The following FUZ variants were observed in gnomAD, a reference collection of about 807,000 sequenced individuals.
FUZ encodes protein fuzzy homolog.
Under a neutral mutation model 43.1 loss-of-function variants are expected in FUZ, and 31 were observed. The observed-to-expected ratio is 0.72, with a 90% CI of 0.54 to 0.97. The LOEUF is 0.97. FUZ is among the 50% of genes least tolerant of loss of function. The pLI is 0.00. For missense variants in FUZ, 539 were observed against 543.8 expected (o/e 0.99, Z 0.09); for synonymous variants, 274 against 250.0 (o/e 1.10, Z -0.91).
chr19:49,810,584 C>T (rs2073720123), intron 5 of FUZ, among the ~76,000 whole-genome samples: 1 of 148,232 alleles, frequency 6.7e-6, no homozygotes, highest in African/African-American at 2.5e-5. Flanking sequence ...GAGGTTGAGG[C>T]AGGGGAATCG....
chr19:49,808,340 C>A, intron 10 of FUZ, 74 bp downstream of exon 10: 1 of 1,478,810 alleles, frequency 6.8e-7, no homozygotes, highest in Non-Finnish European at 9.2e-7. Flanking sequence ...AACCCCACCT[C>A]CTACTCCCAT....
At position 49,808,479 on chromosome 19, in the gene FUZ, G is replaced by T; in HGVS notation, c.968C>A (p.Pro323Gln). The T allele has an allele frequency of 1.2e-6, 2 of 1,611,932 alleles. No homozygotes were observed. Among genetic ancestry groups the T allele is most frequent in the Non-Finnish European group, 8.5e-7 (1 of 1,179,360 alleles). ...TCGGAGGAGGCGCCGGCGCTGTTCT[G>T]GTGAAGGCTCTGCTGGGAGGAAAAG... is the stretch of plus-strand genomic sequence containing the variant. ...VEPLGDKEPS[P>Q]EQRRRLLRNF... Residue 323 changes from proline (P) to glutamine (Q), a missense_variant, in exon 10 of 11, where the codon CCA (proline) becomes CAA (glutamine). Coordinates refer to ENST00000313777, the MANE Select transcript of FUZ (RefSeq NM_025129.5).
At chr19:49,811,933 C>G (rs1391950709) in intron 3 of FUZ, among the ~76,000 whole-genome samples, 1 of 152,128 alleles carries the variant, frequency 6.6e-6, no homozygotes, top group Non-Finnish European at 1.5e-5. Flanking sequence ...TATGGTGAAA[C>G]CCCGTCTCTA....
rs771008942 is a variant in FUZ at position 49,808,788 on chromosome 19, C to T, written c.822G>A (p.Pro274=). ...GTCCCAACGGCAGACAGGCCCGCAA[C>T]GGGTCCAGCAGTGGCTGCCACCAGC... is the stretch of plus-strand genomic sequence containing the variant. The part of the protein sequence containing the change: ...LERWWQPLLD[P]LRACLPLGPR... Residue 274 remains proline (P), a synonymous_variant, in exon 8 of 11, where the codon CCG becomes CCA. Coordinates refer to ENST00000313777, the MANE Select transcript of FUZ (RefSeq NM_025129.5). 8.3e-6 allele frequency: 13 copies of T among 1,558,698 alleles called. No homozygotes were observed. The highest frequency in any genetic ancestry group is 1.4e-5 in the African/African-American group (1 of 73,492).
In FUZ at chr19:49,809,680, G is replaced by C; in HGVS notation, c.493-105C>G. ...TGGGGAGAAACCCACAGCCAGCCCC[G>C]AGCTCGCGCAGTGGCCATGCTCCTA... On this transcript the variant is annotated intron_variant, in intron 5 of 10. Transcript: ENST00000313777. The surrounding 1 kb of genome is among the most constrained non-coding windows in gnomAD (Gnocchi z 5.1). 8.2e-7 allele frequency: 1 copy of C among 1,219,630 alleles called. No homozygotes were observed. Among genetic ancestry groups the C allele is most frequent in the Non-Finnish European group, 1.2e-6 (1 of 862,142 alleles). The allele number at this position is 1,219,630 out of a possible 1,614,324, so 75.6% of individuals were successfully genotyped here.
At position 49,808,803 on chromosome 19, in the gene FUZ, C is replaced by T. The variant is rs1362778590; in HGVS notation, c.807G>A (p.Gln269=). The change falls in exon 8 of 11, where the codon CAG becomes CAA. Residue 269 remains glutamine, a synonymous_variant. Coordinates refer to ENST00000313777, the MANE Select transcript of FUZ (RefSeq NM_025129.5). ...AGGCCCGCAACGGGTCCAGCAGTGG[C>T]TGCCACCAGCGCTCCAGAAGCTGCA... ...LYPQLLERWW[Q]PLLDPLRACL... is the part of the protein sequence containing the mutation. 6.4e-7 allele frequency: 1 copy of T among 1,552,826 alleles called. No individual in the cohort carries two copies. Among genetic ancestry groups the T allele is most frequent in the African/African-American group, 1.4e-5 (1 of 73,422 alleles).
rs776108376 is a variant in FUZ, at chr19:49,812,695, CAT to C, written c.151_152del (p.Met51ValfsTer26). ...GCTGCACCTCCAGATTCTGCCCAAA[CAT>C]GTGGACTCCATTGAGGGAACCGATG... is the stretch of plus-strand genomic sequence containing the variant. ...SVIGSLNGVH[M>X]FGQNLEVQLS... On this transcript the variant is annotated frameshift_variant, in exon 2 of 11. Transcript: ENST00000313777. LOFTEE classifies it high-confidence loss of function. 1.5e-5 allele frequency: 24 copies of C among 1,614,018 alleles called. No individual in the cohort carries two copies. Among genetic ancestry groups the C allele is most frequent in the African/African-American group, 2.7e-5 (2 of 74,904 alleles).
chr19:49,807,281 G>T lies in FUZ; in HGVS notation c.1127C>A (p.Thr376Lys). The T allele has an allele frequency of 1.2e-6, 2 of 1,613,466 alleles. No homozygotes were observed. The highest frequency in any genetic ancestry group is 1.7e-6 in the Non-Finnish European group (2 of 1,179,948). The change falls in exon 11 of 11, where the codon ACA (threonine) becomes AAA (lysine). Residue 376 changes from threonine to lysine, a missense_variant. By Grantham distance (78) the Thr-to-Lys change is moderately conservative (BLOSUM62 -1). Coordinates refer to ENST00000313777, the MANE Select transcript of FUZ (RefSeq NM_025129.5). Reference sequence around the variant, plus strand: ...CTGCAAGGCCACCAGACGCACTCCTGTGCCTGGTTCCTCAGTCCCCAACAC... The same window carrying T: ...CTGCAAGGCCACCAGACGCACTCCTTTGCCTGGTTCCTCAGTCCCCAACAC... ...YLVLGTEEPG[T>K]GVRLVALQLG...
In FUZ at chr19:49,808,481, T is replaced by C; in HGVS notation, c.966A>G (p.Ser322=). Residue 322 remains serine, a synonymous_variant, in exon 10 of 11, where the codon TCA becomes TCG. Transcript: ENST00000313777. The part of the protein sequence containing the change: ...TVEPLGDKEP[S]PEQRRRLLRN... Reference sequence around the variant, plus strand: ...GGAGGAGGCGCCGGCGCTGTTCTGGTGAAGGCTCTGCTGGGAGGAAAAGGC... The same window carrying C: ...GGAGGAGGCGCCGGCGCTGTTCTGGCGAAGGCTCTGCTGGGAGGAAAAGGC... 1 of 1,611,684 alleles carries C rather than the reference T, an allele frequency of 6.2e-7. No homozygotes were observed. Among genetic ancestry groups the C allele is most frequent in the Non-Finnish European group, 8.5e-7 (1 of 1,179,290 alleles).
At chr19:49,812,535 A>G (rs928419495) in intron 2 of FUZ, 80 bp downstream of exon 2, 2 of 1,589,368 alleles carry the variant, frequency 1.3e-6, no homozygotes, top group African/African-American at 2.7e-5. Context: ...GCTTTTAGAG[A>G]GCTGGAAGGC....
In FUZ at chr19:49,811,388, A is replaced by G. The variant is rs777365619; in HGVS notation, c.467T>C (p.Ile156Thr). The G allele has an allele frequency of 3.2e-5, 52 of 1,611,840 alleles. No homozygotes were observed. In the South Asian group the frequency reaches 5.5e-4, roughly 17 times the overall value. The change falls in exon 5 of 11, where the codon ATT becomes ACT. Residue 156 changes from isoleucine to threonine, a missense_variant. Ile to Thr is a moderately conservative substitution (Grantham distance 89). Transcript: ENST00000313777. ...GDLTQCVDCV[I>T]PPEGSLLQEA... ...CTGCAAGAGGGACCCCTCTGGAGGA[A>G]TCACGCAGTCCACACACTGGGTCAG...
At position 49,813,058 on chromosome 19, in the gene FUZ, C is replaced by T. The variant is rs1344539368; in HGVS notation, c.49G>A (p.Ala17Thr). 1 of 1,551,208 alleles carries T rather than the reference C, an allele frequency of 6.4e-7. No individual in the cohort carries two copies. Among genetic ancestry groups the T allele is most frequent in the African/African-American group, 1.4e-5 (1 of 73,062 alleles). The change falls in exon 1 of 11, where the codon GCC (alanine) becomes ACC (threonine). Residue 17 changes from alanine (A) to threonine (T), a missense_variant. Transcript: ENST00000313777. ...CAGAATAGGGGGACCCCGCTGGAGG[C>T]CGCGAGGCACAGCAGATGCACAGTG... is the stretch of plus-strand genomic sequence containing the variant. ...GGTVHLLCLAASSGVPLFCRS... is the reference protein window; with the variant it reads ...GGTVHLLCLATSSGVPLFCRS...
rs2073677230 is a variant in FUZ, at chr19:49,809,897, A to G, written c.493-322T>C. The stretch of plus-strand genomic sequence containing the variant: ...CGAGTAGGCACCATTAGCAACGTAG[A>G]GAAGCCAAGTCACCTGCTGAGAGTC... On this transcript the variant is annotated intron_variant, in intron 5 of 10. Transcript: ENST00000313777. This position sits in a 1 kb window ranked among gnomAD's most constrained non-coding sequence, Gnocchi z 5.1. 1 of 452,210 alleles carries G rather than the reference A, an allele frequency of 2.2e-6. No individual in the cohort carries two copies. The allele number at this position is 452,210 out of a possible 1,614,324, so 28.0% of individuals were successfully genotyped here.
rs540275752 is a variant in FUZ, at chr19:49,808,883, C to CG, written c.787-61dup. 1.1e-3 allele frequency: 650 copies of CG among 581,470 alleles called. 1 individual carries two copies. The highest frequency in any genetic ancestry group is 4.9e-3 in the African/African-American group (187 of 38,284). 36.0% of individuals were successfully genotyped at this position (581,470 alleles called of 1,614,324 possible). A position where few individuals can be genotyped will look rare whatever the true frequency, so the allele number is the denominator to read the frequency against. Reference sequence around the variant, plus strand: ...GGAAGGCGGGGCCGGCGGGGGAGGTCGGGGGGTGTACAAGGATAGGGGCGT... The same window carrying CG: ...GGAAGGCGGGGCCGGCGGGGGAGGTCGGGGGGGTGTACAAGGATAGGGGCGT... On this transcript the variant is annotated intron_variant, in intron 7 of 10. Coordinates refer to ENST00000313777, the MANE Select transcript of FUZ (RefSeq NM_025129.5).
Position 49,808,755 on chromosome 19 carries a change from C to G in FUZ, c.855G>C (p.Ala285=). 6.3e-7 allele frequency: 1 copy of G among 1,578,332 alleles called. No homozygotes were observed. ...LRACLPLGPR[A]LPSGFPLHTD... is the part of the protein sequence containing the mutation. ...TGTGAAGGGGGAAGCCACTGGGCAG[C>G]GCCCGGGGTCCCAACGGCAGACAGG... is the stretch of plus-strand genomic sequence containing the variant. The change falls in exon 8 of 11, where the codon GCG becomes GCC. Residue 285 remains alanine, a synonymous_variant. Transcript: ENST00000313777.
chr19:49,811,253 G>C, intron 5 of FUZ, 110 bp downstream of exon 5: 1 of 755,120 alleles, frequency 1.3e-6, no homozygotes, highest in South Asian at 1.5e-5. Context: ...GATAGGACTG[G>C]AAGCTGAGAG....
rs2073849241 is a variant in FUZ at position 49,812,690 on chromosome 19, C to T, written c.158G>A (p.Gly53Glu). ...GCTCAGCTGCACCTCCAGATTCTGC[C>T]CAAACATGTGGACTCCATTGAGGGA... ...IGSLNGVHMF[G>E]QNLEVQLSSA... Residue 53 changes from glycine (G) to glutamate (E), a missense_variant, in exon 2 of 11, where the codon GGG becomes GAG. Coordinates refer to ENST00000313777, the MANE Select transcript of FUZ (RefSeq NM_025129.5). 2 of 1,613,976 alleles carry T rather than the reference C, an allele frequency of 1.2e-6. No homozygotes were observed. Among genetic ancestry groups the T allele is most frequent in the South Asian group, 2.2e-5 (2 of 91,074 alleles).
Position 49,808,456 on chromosome 19 carries a change from G to A in FUZ, c.991C>T (p.Arg331Ter), listed in dbSNP as rs770428609. 1 of 1,612,630 alleles carries A rather than the reference G, an allele frequency of 6.2e-7. No individual in the cohort carries two copies. The highest frequency in any genetic ancestry group is 8.5e-7 in the Non-Finnish European group (1 of 1,179,648). Residue 331 changes from arginine (R) to a stop codon, truncating the protein, a stop_gained, in exon 10 of 11, where the codon CGA becomes TGA. Transcript: ENST00000313777. LOFTEE classifies it low-confidence loss of function (END_TRUNC). The stretch of plus-strand genomic sequence containing the variant: ...GAGGTGACCAGGGTATAGAAGTTTC[G>A]GAGGAGGCGCCGGCGCTGTTCTGGT... ...PSPEQRRRLL[R>*]NFYTLVTSTH...
intron 10 of FUZ, chr19:49,808,196 G>C: frequency 1.6e-6 from 1 of 624,658 alleles, no homozygotes; most frequent in Non-Finnish European, 2.9e-6. Flanking sequence ...AACTATTGTT[G>C]ACTATGATCC....
Sources: allele counts gnomAD v4.1 joint callset (sites outside exome capture counted in the v4.1 genomes callset), GRCh38; gene constraint gnomAD v4.1.1; non-coding constraint Gnocchi (gnomAD v3.1); transcripts MANE v1.5; gene names NCBI Gene and HGNC (gene_info 2026-07-23, HGNC 2026-07-21).